LRRC9: variants seen among roughly 807,000 people sequenced by gnomAD.
The protein encoded by LRRC9 is leucine-rich repeat-containing protein 9.
A neutral mutation model predicts 63.2 loss-of-function variants in LRRC9; 122 were observed. That is an observed-to-expected ratio of 1.93 (90% CI 1.67 to 2.24). LRRC9 has a LOEUF of 2.24. LRRC9 is among the 30% of genes most tolerant of loss of function. The pLI, the probability that LRRC9 is intolerant of heterozygous loss-of-function variation, is 0.00. For synonymous variants in LRRC9, 366 were observed against 213.1 expected (o/e 1.72, Z -6.25); for missense variants, 1,071 against 627.7 (o/e 1.71, Z -7.55).
chr14:59,968,697 G>C (rs1452489688), intron 12 of LRRC9, among the ~76,000 whole-genome samples: 1 of 152,204 alleles, frequency 6.6e-6, no homozygotes, highest in Non-Finnish European at 1.5e-5. Context: ...ATTCGGTCCA[G>C]AGAACTATGA....
At chr14:60,005,871 A>C (rs977027969) in intron 21 of LRRC9, among the ~76,000 whole-genome samples, 1 of 152,092 alleles carries the variant, frequency 6.6e-6, no homozygotes, top group African/African-American at 2.4e-5. Context: ...GCAGTACATA[A>C]TGTATGCAGG....
At chr14:59,967,067 A>G (rs1472341366) in intron 11 of LRRC9, 29 bp from the exon 12 acceptor site, 2 of 597,614 alleles carry the variant, frequency 3.3e-6, no homozygotes, top group Non-Finnish European at 6.2e-6. Context: ...ATCAATCCTC[A>G]AACTTTTTCT....
chr14:60,053,877 A>AAGT lies in LRRC9; in HGVS notation c.4131+674_4131+676dup, dbSNP rs1347337511. 4.4e-6 allele frequency: 2 copies of AAGT among 452,990 alleles called. No homozygotes were observed. The highest frequency in any genetic ancestry group is 4.4e-6 in the Non-Finnish European group (1 of 226,022). The allele number at this position is 452,990 out of a possible 1,614,324, so 28.1% of individuals were successfully genotyped here. On this transcript the variant is annotated intron_variant, in intron 30 of 31. Transcript: ENST00000445360. This position sits in a 1 kb window ranked among gnomAD's most constrained non-coding sequence, Gnocchi z 4.8. ...GAAAATCTATGGTTTTTGAACAGAG[A>AAGT]AGTAACATTATTAGAATGCTGTGGT... is the stretch of plus-strand genomic sequence containing the variant.
Position 59,957,809 on chromosome 14 carries a change from G to C in LRRC9, c.883-2009G>C, listed in dbSNP as rs189186302. Among the ~76,000 whole-genome samples, 104 of 152,260 alleles carry C rather than the reference G, an allele frequency of 6.8e-4. 2 individuals are homozygous for C. Among genetic ancestry groups the C allele is most frequent in the African/African-American group, 2.3e-3 (97 of 41,556 alleles). On this transcript the variant is annotated intron_variant, in intron 8 of 31. Transcript: ENST00000445360. ...TTGAGGCTGATGACCTTTGGATGGG[G>C]TTTTGTGTGGGGGTCCTTTATGTTC...
intron 29 of LRRC9, among the ~76,000 whole-genome samples, chr14:60,043,852 C>T (rs1893180900): frequency 1.5e-5 from 2 of 132,858 alleles, no homozygotes; most frequent in African/African-American, 5.7e-5. Context: ...CCTTCCTCTT[C>T]AATTTTTTTA....
rs1165047158 is a variant in LRRC9, at chr14:59,927,846, G to T, written c.-33-65G>T. ...GTGGTTCAACCTCAGTAGCTTTAAG[G>T]TCTATTTCAACTTGGAATGACAATG... is the stretch of plus-strand genomic sequence containing the variant. On this transcript the variant is annotated intron_variant, in intron 1 of 31. Coordinates refer to ENST00000445360, the Ensembl canonical transcript of LRRC9. This position sits in a 1 kb window ranked among gnomAD's most constrained non-coding sequence, Gnocchi z 4.4. 1.6e-5 allele frequency: 9 copies of T among 568,148 alleles called. No individual in the cohort carries two copies. The highest frequency in any genetic ancestry group is 2.8e-5 in the Non-Finnish European group (9 of 323,362). 35.2% of individuals were successfully genotyped at this position (568,148 alleles called of 1,614,324 possible).
chr14:59,972,801 T>C (rs1885668277), intron 12 of LRRC9, among the ~76,000 whole-genome samples: 1 of 152,102 alleles, frequency 6.6e-6, no homozygotes, highest in South Asian at 2.1e-4. Context: ...CTGGATACAG[T>C]AGAAGTACAT....
chr14:59,924,644 C>A (rs549547294), intron 1 of LRRC9, among the ~76,000 whole-genome samples: 1 of 152,252 alleles, frequency 6.6e-6, no homozygotes, highest in South Asian at 2.1e-4. Flanking sequence ...ATACAGCAAC[C>A]AGAGTGATCT....
At chr14:59,940,360 C>T (rs889253260) in intron 7 of LRRC9, among the ~76,000 whole-genome samples, 1 of 152,090 alleles carries the variant, frequency 6.6e-6, no homozygotes, top group Admixed American at 6.6e-5. Context: ...TTCTTCCCTA[C>T]TATGCATGAG....
At chr14:59,944,416 T>G (rs1231552320) in intron 7 of LRRC9, among the ~76,000 whole-genome samples, 173 bp from the exon 8 acceptor site, 3 of 151,950 alleles carry the variant, frequency 2.0e-5, no homozygotes, top group Admixed American at 2.0e-4. Context: ...GTATTAAGTT[T>G]AAATATAGAA....
intron 16 of LRRC9, 118 bp downstream of exon 16, chr14:59,982,178 C>T (rs113498282): frequency 6.8e-6 from 4 of 586,390 alleles, no homozygotes; most frequent in African/African-American, 5.6e-5. Context: ...TACAATGCTA[C>T]CTAAAGCGTC....
At chr14:59,985,050 T>A (rs1887315736) in intron 16 of LRRC9, 55 bp from the exon 17 acceptor site, 1 of 530,146 alleles carries the variant, frequency 1.9e-6, no homozygotes, top group African/African-American at 1.9e-5. Flanking sequence ...ACACTTCAGT[T>A]TGATGTAGAA....
At chr14:60,057,541 T>C (rs1566914641) in intron 30 of LRRC9, 1 of 168,974 alleles carries the variant, frequency 5.9e-6, no homozygotes, top group African/African-American at 2.4e-5. Flanking sequence ...AGCATTACAA[T>C]GGGGAAGTTT....
chr14:59,939,853 T>G (rs1881570847), intron 7 of LRRC9, among the ~76,000 whole-genome samples: 1 of 151,980 alleles, frequency 6.6e-6, no homozygotes, highest in Non-Finnish European at 1.5e-5. Flanking sequence ...ACATGCTCAG[T>G]AAGTAGTTGG....
intron 8 of LRRC9, among the ~76,000 whole-genome samples, chr14:59,956,310 C>T (rs912165138): frequency 1.3e-5 from 2 of 151,420 alleles, no homozygotes; most frequent in African/African-American, 4.9e-5. Context: ...TTTTATGAAT[C>T]TGGGTGCTCC....
intron 7 of LRRC9, among the ~76,000 whole-genome samples, chr14:59,944,005 G>A (rs1882069302): frequency 6.6e-6 from 1 of 151,524 alleles, no homozygotes; most frequent in Non-Finnish European, 1.5e-5. Flanking sequence ...TCTTAATTAT[G>A]GAATTAATCA....
intron 26 of LRRC9, among the ~76,000 whole-genome samples, chr14:60,022,171 G>C (rs916510719): frequency 1.3e-5 from 2 of 151,666 alleles, no homozygotes; most frequent in Admixed American, 1.3e-4. Flanking sequence ...ATTTCTCTCA[G>C]TAATGTTTTG....
chr14:60,062,221 T>C, intron 31 of LRRC9, 42 bp downstream of exon 32: 1 of 398,266 alleles, frequency 2.5e-6, no homozygotes, highest in Non-Finnish European at 4.4e-6. Context: ...TTTCTCATCA[T>C]TAAAAAAGTA....
chr14:59,992,460 G>A (rs1382871266), intron 17 of LRRC9, among the ~76,000 whole-genome samples: 1 of 152,196 alleles, frequency 6.6e-6, no homozygotes, highest in African/African-American at 2.4e-5. Context: ...AAGCTGGACG[G>A]AGAATGACTT....
Sources: gnomAD v4.1 joint callset for allele counts (sites outside exome capture counted in the v4.1 genomes callset) on GRCh38, gnomAD v4.1.1 for gene constraint, Gnocchi (gnomAD v3.1) non-coding constraint, MANE v1.5 for transcripts, NCBI Gene and HGNC (gene_info 2026-07-23, HGNC 2026-07-21) for gene names.